Variants in LRRC8A observed in about 807,000 individuals in gnomAD.
LRRC8A encodes the protein leucine rich repeat containing 8 VRAC subunit A.
LRRC8A carries 24 observed loss-of-function variants against 52.5 expected under a neutral mutation model. That is an observed-to-expected ratio of 0.46 (90% CI 0.33 to 0.64). LRRC8A has a LOEUF of 0.64. Ranked by LOEUF, LRRC8A falls within the 30% of genes least tolerant of loss-of-function variation. The probability of loss-of-function intolerance (pLI) is 0.02; values close to 1 mark genes in which losing one functional copy is unlikely to be tolerated. For synonymous variants in LRRC8A, 492 were observed against 494.2 expected (o/e 1.00, Z 0.06); for missense variants, 677 against 1,094.7 (o/e 0.62, Z 5.38).
intron 2 of LRRC8A, among the ~76,000 whole-genome samples, chr9:128,886,914 G>T (rs1265240908): frequency 6.6e-6 from 1 of 152,146 alleles, no homozygotes; most frequent in African/African-American, 2.4e-5. Flanking sequence ...GAGAATCAGA[G>T]TGAGGAAGCA....
At position 128,907,851 on chromosome 9, in the gene LRRC8A, G is replaced by A. The variant is rs376295105; in HGVS notation, c.687G>A (p.Thr229=). 1.3e-5 allele frequency: 21 copies of A among 1,613,932 alleles called. No individual in the cohort carries two copies. Among genetic ancestry groups the A allele is most frequent in the Non-Finnish European group, 7.6e-6 (9 of 1,180,016 alleles). ...IEQGIVDRSE[T]GVLDKKEGEQ... ...AGGGTATCGTGGACCGCTCAGAGAC[G>A]GGCGTGCTGGACAAGAAGGAGGGGG... is the stretch of plus-strand genomic sequence containing the variant. The change falls in exon 3 of 4, where the codon ACG becomes ACA. Residue 229 remains threonine, a synonymous_variant. Coordinates refer to ENST00000372600, the MANE Select transcript of LRRC8A (RefSeq NM_019594.4). The surrounding 1 kb of genome is among the most constrained non-coding windows in gnomAD (Gnocchi z 9.3).
At chr9:128,898,770 G>A (rs1420095107) in intron 2 of LRRC8A, among the ~76,000 whole-genome samples, 3 of 152,242 alleles carry the variant, frequency 2.0e-5, no homozygotes, top group Non-Finnish European at 4.4e-5. Flanking sequence ...GCCCTGGCCC[G>A]GCCCTTGCCT....
chr9:128,897,952 C>T (rs1839880603), intron 2 of LRRC8A, among the ~76,000 whole-genome samples: 1 of 142,854 alleles, frequency 7.0e-6, no homozygotes, highest in African/African-American at 2.6e-5. Flanking sequence ...CAGAGTGAGA[C>T]TCTGTCTCAA....
intron 1 of LRRC8A, chr9:128,885,014 C>T (rs755104665): frequency 2.6e-5 from 4 of 152,386 alleles, no homozygotes; most frequent in Non-Finnish European, 4.4e-5. Context: ...GTGTCTTTGT[C>T]TACCCCCGCC....
In LRRC8A at chr9:128,907,381, G is replaced by C. The variant is rs767569198; in HGVS notation, c.217G>C (p.Ala73Pro). 5.0e-6 allele frequency: 8 copies of C among 1,613,386 alleles called. 1 individual carries two copies. The South Asian group carries it at 8.8e-5, about 18-fold the overall frequency. Residue 73 changes from alanine to proline, a missense_variant, in exon 3 of 4, where the codon GCA (alanine) becomes CCA (proline). By Grantham distance (27) the Ala-to-Pro change is conservative. Around this residue, in one of 4 missense-constraint regions of LRRC8A, gnomAD observed 54 missense variants for 49.7 expected, o/e 1.09. Transcript: ENST00000372600. The surrounding 1 kb of genome is among the most constrained non-coding windows in gnomAD (Gnocchi z 9.3). ...CTGCAATGATTCGTTCCGGGGCTGGGCAGCCCCTGGCCCGGAGCCCACCTA... is the reference window on the plus strand; with the variant it reads ...CTGCAATGATTCGTTCCGGGGCTGGCCAGCCCCTGGCCCGGAGCCCACCTA... Reference protein sequence around the residue: ...DSCNDSFRGWAAPGPEPTYPN... With the variant: ...DSCNDSFRGWPAPGPEPTYPN...
Position 128,882,148 on chromosome 9 carries a change from G to A in LRRC8A, c.-218G>A, listed in dbSNP as rs542193594. ...GGAGGAGGCTGAGTGGTGCAGTGAG[G>A]GACAAACAAAAGGAGGCGCCGGAGC... On this transcript the variant is annotated 5_prime_UTR_variant, in exon 1 of 4. Coordinates refer to ENST00000372600, the MANE Select transcript of LRRC8A (RefSeq NM_019594.4). The A allele has an allele frequency of 3.9e-5, 6 of 152,528 alleles. No homozygotes were observed. The highest frequency in any genetic ancestry group is 1.3e-4 in the Admixed American group (2 of 15,300). The allele number at this position is 152,528 out of a possible 1,614,324, so 9.4% of individuals were successfully genotyped here.
In LRRC8A at chr9:128,893,217, G is replaced by T. The variant is rs180991827; in HGVS notation, c.-9+7096G>T. On this transcript the variant is annotated intron_variant, in intron 2 of 3. Coordinates refer to ENST00000372600, the MANE Select transcript of LRRC8A (RefSeq NM_019594.4). Reference sequence around the variant, plus strand: ...GAGTTTTCGAGGTTCTGCGAGTCCTGGGGGGTCCTGTGGGTCTCTGAGTGG... The same window carrying T: ...GAGTTTTCGAGGTTCTGCGAGTCCTTGGGGGTCCTGTGGGTCTCTGAGTGG... Among the ~76,000 whole-genome samples, 29 of 152,184 alleles carry T rather than the reference G, an allele frequency of 1.9e-4. No homozygotes were observed. The East Asian group carries it at 5.2e-3, about 27-fold the overall frequency.
chr9:128,906,131 A>G (rs1485072239), intron 2 of LRRC8A, among the ~76,000 whole-genome samples: 1 of 152,060 alleles, frequency 6.6e-6, no homozygotes, highest in Non-Finnish European at 1.5e-5. Context: ...AACTATACAC[A>G]CATGTGGAAT....
chr9:128,882,520 GT>G, intron 1 of LRRC8A: 1 of 394,668 alleles, frequency 2.5e-6, no homozygotes, highest in Non-Finnish European at 4.5e-6. Flanking sequence ...GAAACCAGGA[GT>G]TTCCGCCTCG....
intron 1 of LRRC8A, chr9:128,883,012 C>T (rs1307412550): frequency 5.3e-6 from 2 of 374,970 alleles, no homozygotes; most frequent in Non-Finnish European, 9.5e-6. Flanking sequence ...GCTTCTTCCC[C>T]TTGATCTGGA....
chr9:128,915,990 G>A (rs1840796956), intron 3 of LRRC8A, 106 bp from the exon 4 acceptor site: 4 of 1,364,260 alleles, frequency 2.9e-6, no homozygotes, highest in Middle Eastern at 1.9e-4. Context: ...GGGGGCCTGG[G>A]GATCAGAAAA....
chr9:128,890,056 G>A (rs1333778063), intron 2 of LRRC8A, among the ~76,000 whole-genome samples: 1 of 151,818 alleles, frequency 6.6e-6, no homozygotes, highest in African/African-American at 2.4e-5. Context: ...ACCCACCTCG[G>A]CCTCCCAAAG....
At chr9:128,900,968 C>T (rs1436309149) in intron 2 of LRRC8A, among the ~76,000 whole-genome samples, 2 of 151,472 alleles carry the variant, frequency 1.3e-5, no homozygotes, top group Non-Finnish European at 2.9e-5. Context: ...AGGTCAGGAG[C>T]TCGAGACCAG....
At chr9:128,895,343 G>C (rs1346630206) in intron 2 of LRRC8A, among the ~76,000 whole-genome samples, 2 of 152,190 alleles carry the variant, frequency 1.3e-5, no homozygotes, top group Non-Finnish European at 2.9e-5. Flanking sequence ...AGCAAAGCAA[G>C]ACTGTCTCCA....
rs751416781 is a variant in LRRC8A at position 128,908,979 on chromosome 9, C to T, written c.1815C>T (p.Arg605=). ...ELELIRCDLE[R]IPHSIFSLHN... is the part of the protein sequence containing the mutation. Reference sequence around the variant, plus strand: ...AGCTGATCCGCTGTGACCTGGAGCGCATCCCCCACTCCATCTTCAGCCTCC... The same window carrying T: ...AGCTGATCCGCTGTGACCTGGAGCGTATCCCCCACTCCATCTTCAGCCTCC... Residue 605 remains arginine (R), a synonymous_variant, in exon 3 of 4, where the codon CGC becomes CGT. Transcript: ENST00000372600. 8 of 1,614,066 alleles carry T rather than the reference C, an allele frequency of 5.0e-6. No homozygotes were observed. The African/African-American group carries it at 8.0e-5, about 16-fold the overall frequency.
intron 2 of LRRC8A, among the ~76,000 whole-genome samples, chr9:128,904,765 C>A (rs1035722602): frequency 4.6e-5 from 7 of 151,544 alleles, no homozygotes; most frequent in African/African-American, 1.7e-4. Flanking sequence ...GAGGCCAAGG[C>A]GGGCGGATCA....
intron 2 of LRRC8A, among the ~76,000 whole-genome samples, chr9:128,888,020 T>C (rs939339107): frequency 2.0e-5 from 3 of 152,218 alleles, no homozygotes; most frequent in East Asian, 1.9e-4. Context: ...TGAGCCCCCC[T>C]GGCCCCTCCC....
chr9:128,905,999 G>T (rs183813124), intron 2 of LRRC8A, among the ~76,000 whole-genome samples: 3 of 152,316 alleles, frequency 2.0e-5, no homozygotes, highest in Non-Finnish European at 4.4e-5. Flanking sequence ...CACCCAGTTT[G>T]TGAGGGAGGA....
At position 128,907,404 on chromosome 9, in the gene LRRC8A, C is replaced by T. The variant is rs1840297969; in HGVS notation, c.240C>T (p.Thr80=). ...GGGCAGCCCCTGGCCCGGAGCCCAC[C>T]TACCCCAACTCCACCATTCTGCCGA... The part of the protein sequence containing the change: ...RGWAAPGPEP[T]YPNSTILPTP... Residue 80 remains threonine (T), a synonymous_variant, in exon 3 of 4, where the codon ACC becomes ACT. Transcript: ENST00000372600. The surrounding 1 kb of genome is among the most constrained non-coding windows in gnomAD (Gnocchi z 9.3). The T allele has an allele frequency of 5.0e-6, 8 of 1,613,460 alleles. No individual in the cohort carries two copies. Among genetic ancestry groups the T allele is most frequent in the Non-Finnish European group, 6.8e-6 (8 of 1,180,030 alleles).
Sources: allele counts gnomAD v4.1 joint callset (sites outside exome capture counted in the v4.1 genomes callset), GRCh38; gene constraint gnomAD v4.1.1; regional missense constraint gnomAD v4.1.1; non-coding constraint Gnocchi (gnomAD v3.1); transcripts MANE v1.5; gene names NCBI Gene and HGNC (gene_info 2026-07-23, HGNC 2026-07-21).